Variants in METTL15 observed in about 807,000 individuals in gnomAD.
METTL15 encodes methyltransferase 15, mitochondrial 12S rRNA N4-cytidine.
METTL15 carries 34 observed loss-of-function variants against 38.3 expected under a neutral mutation model. The observed-to-expected ratio is 0.89, with a 90% CI of 0.68 to 1.18. The LOEUF (loss-of-function observed/expected upper bound fraction) is 1.18. Among genes scored for constraint, METTL15 ranks in the 50% most tolerant of loss-of-function variants. METTL15 has a pLI of 0.00. For missense variants in METTL15, 438 were observed against 498.4 expected, an observed-to-expected ratio of 0.88 and a Z score of 1.15; for synonymous variants, 162 against 170.9, an observed-to-expected ratio of 0.95 and a Z score of 0.41.
At chr11:28,277,679 G>T (rs561863582) in intron 4 of METTL15, among the ~76,000 whole-genome samples, 59 of 152,010 alleles carry the variant, frequency 3.9e-4, no homozygotes, top group Middle Eastern at 3.4e-3. Flanking sequence ...GACAGAGCAA[G>T]ACTCGGTTTA....
chr11:28,199,977 C>G lies in METTL15; in HGVS notation c.271-11085C>G, dbSNP rs896583502. Among the ~76,000 whole-genome samples the G allele has an allele frequency of 1.3e-4, 20 of 152,176 alleles. No individual in the cohort carries two copies. The East Asian group carries it at 3.9e-3, about 29-fold the overall frequency. On this transcript the variant is annotated intron_variant, in intron 3 of 6. Transcript: ENST00000407364. ...CAGGCTGGTCTCGAACTCCTGACCT[C>G]AGGTGATCCACCTGCCTCGGCCTCC...
intron 4 of METTL15, among the ~76,000 whole-genome samples, chr11:28,284,018 C>G (rs1856158353): frequency 6.6e-6 from 1 of 152,034 alleles, no homozygotes; most frequent in Non-Finnish European, 1.5e-5. Context: ...GAAAATTAGC[C>G]TAACGTAATT....
chr11:28,271,907 A>G (rs1001358528), intron 4 of METTL15, among the ~76,000 whole-genome samples: 33 of 152,232 alleles, frequency 2.2e-4, no homozygotes, highest in Admixed American at 2.0e-4. Context: ...TGGGCAAAGG[A>G]TATGAACAGA....
chr11:28,172,750 T>C (rs1185083457), intron 3 of METTL15, among the ~76,000 whole-genome samples: 3 of 152,234 alleles, frequency 2.0e-5, no homozygotes, highest in Non-Finnish European at 2.9e-5. Flanking sequence ...ACAGTTTTTG[T>C]ATTCTGATTT....
At chr11:28,370,654 T>C (rs1850234063) in intron 5 of METTL15, among the ~76,000 whole-genome samples, 1 of 152,084 alleles carries the variant, frequency 6.6e-6, no homozygotes, top group African/African-American at 2.4e-5. Context: ...GTGACTGTGT[T>C]AATTTACATA....
intron 6 of METTL15, among the ~76,000 whole-genome samples, chr11:28,479,558 A>AT (rs1291665170): frequency 1.3e-5 from 2 of 152,224 alleles, no homozygotes; most frequent in Non-Finnish European, 1.5e-5. Flanking sequence ...AAGGTTTTGT[A>AT]GTAATCCTGA....
intron 3 of METTL15, among the ~76,000 whole-genome samples, chr11:28,208,855 C>T (rs1037071362): frequency 6.6e-6 from 1 of 151,760 alleles, no homozygotes; most frequent in Non-Finnish European, 1.5e-5. Flanking sequence ...GCTCATGAGG[C>T]CTAGATGTCA....
exon 6 of METTL15, chr11:28,424,331 G>A (rs998289664): frequency 1.3e-5 from 2 of 152,044 alleles, no homozygotes; most frequent in South Asian, 4.1e-4. Context: ...AGATCTAAAA[G>A]CATCACCTTT....
intron 5 of METTL15, among the ~76,000 whole-genome samples, chr11:28,418,488 G>C (rs1004540277): frequency 5.9e-5 from 9 of 152,050 alleles, no homozygotes; most frequent in African/African-American, 2.2e-4. Flanking sequence ...TAGTTAGATG[G>C]GGCTAATGAA....
At chr11:28,395,564 G>A (rs1427494630) in intron 5 of METTL15, among the ~76,000 whole-genome samples, 2 of 152,072 alleles carry the variant, frequency 1.3e-5, no homozygotes, top group African/African-American at 2.4e-5. Context: ...GGAAGAAGTT[G>A]AATCCCTGAA....
chr11:28,380,172 T>TC, intron 5 of METTL15, among the ~76,000 whole-genome samples: 1 of 148,260 alleles, frequency 6.7e-6, no homozygotes, highest in East Asian at 2.0e-4. Context: ...TTTATGCTTT[T>TC]TTTTTTTTTT....
intron 4 of METTL15, among the ~76,000 whole-genome samples, chr11:28,254,789 T>A (rs368581436): frequency 6.6e-6 from 1 of 152,204 alleles, no homozygotes; most frequent in Non-Finnish European, 1.5e-5. Flanking sequence ...TCACTGTTGA[T>A]GTATAGATTT....
chr11:28,283,583 T>C (rs1307638443), intron 4 of METTL15, among the ~76,000 whole-genome samples: 2 of 152,184 alleles, frequency 1.3e-5, no homozygotes, highest in Non-Finnish European at 2.9e-5. Context: ...AGATATATAC[T>C]AGAGCACCTT....
chr11:28,256,786 A>G (rs1407779089), intron 4 of METTL15, among the ~76,000 whole-genome samples: 1 of 151,840 alleles, frequency 6.6e-6, no homozygotes, highest in Non-Finnish European at 1.5e-5. Context: ...TCTAAGATTC[A>G]TCATTGGGTT....
chr11:28,259,659 G>T (rs1486163794), intron 4 of METTL15, among the ~76,000 whole-genome samples: 1 of 152,172 alleles, frequency 6.6e-6, no homozygotes, highest in Non-Finnish European at 1.5e-5. Flanking sequence ...TGACTTCAGT[G>T]CCTCATAAAT....
chr11:28,139,890 G>A (rs1476327149), intron 3 of METTL15, among the ~76,000 whole-genome samples: 4 of 152,216 alleles, frequency 2.6e-5, no homozygotes, highest in South Asian at 2.1e-4. Context: ...CTATGCAAAT[G>A]GGTTCCTCCA....
At chr11:28,397,877 G>T (rs947545726) in intron 5 of METTL15, among the ~76,000 whole-genome samples, 31 of 152,068 alleles carry the variant, frequency 2.0e-4, no homozygotes, top group Non-Finnish European at 2.6e-4. Flanking sequence ...AAGAAAATGT[G>T]GCACATATAC....
intron 6 of METTL15, among the ~76,000 whole-genome samples, chr11:28,308,457 C>T (rs1590300195): frequency 6.6e-6 from 1 of 152,058 alleles, no homozygotes; most frequent in Non-Finnish European, 1.5e-5. Context: ...TAAGGTATAT[C>T]TAATCTGCTG....
chr11:28,309,019 CATAG>C (rs1209640489), intron 6 of METTL15, among the ~76,000 whole-genome samples: 3 of 152,136 alleles, frequency 2.0e-5, no homozygotes, highest in Admixed American at 6.6e-5. Context: ...TCAATAGATA[CATAG>C]ATAGATGGCT....
Sources: gnomAD v4.1 joint callset for allele counts (sites outside exome capture counted in the v4.1 genomes callset) on GRCh38, gnomAD v4.1.1 for gene constraint, MANE v1.5 for transcripts, NCBI Gene and HGNC (gene_info 2026-07-23, HGNC 2026-07-21) for gene names.